Variants in DZIP3 observed in about 807,000 individuals in gnomAD.
DZIP3 encodes DAZ interacting zinc finger protein 3.
A neutral mutation model predicts 162.0 loss-of-function variants in DZIP3; 118 were observed. The ratio of observed to expected loss-of-function variants is 0.73; its 90% CI spans 0.63 to 0.85. The LOEUF (loss-of-function observed/expected upper bound fraction) is 0.85. DZIP3 is among the 40% of genes least tolerant of loss of function. The pLI is 0.00. For missense variants in DZIP3, 1,331 were observed against 1,407.0 expected (o/e 0.95, Z 0.86); for synonymous variants, 438 against 458.6 (o/e 0.96, Z 0.57).
At chr3:108,633,602 T>C (rs1941985719) in intron 9 of DZIP3, among the ~76,000 whole-genome samples, 1 of 151,186 alleles carries the variant, frequency 6.6e-6, no homozygotes, top group African/African-American at 2.4e-5. Flanking sequence ...AGAATACTTC[T>C]GATAGATCTC....
intron 26 of DZIP3, among the ~76,000 whole-genome samples, chr3:108,679,977 A>G (rs1023684049): frequency 2.0e-5 from 3 of 152,126 alleles, no homozygotes; most frequent in Admixed American, 6.6e-5. Context: ...AGATCATGCA[A>G]TGGTTATTTA....
At chr3:108,604,217 T>A (rs1025816482) in intron 1 of DZIP3, among the ~76,000 whole-genome samples, 1 of 152,204 alleles carries the variant, frequency 6.6e-6, no homozygotes, top group Non-Finnish European at 1.5e-5. Context: ...AATTACTGGA[T>A]AAATAAGCAG....
At chr3:108,598,646 A>C (rs980716354) in intron 1 of DZIP3, among the ~76,000 whole-genome samples, 3 of 152,178 alleles carry the variant, frequency 2.0e-5, no homozygotes, top group African/African-American at 7.2e-5. Context: ...AGGCAAGTAC[A>C]TGAAAGAAGT....
chr3:108,592,653 C>T (rs188495424), intron 1 of DZIP3, among the ~76,000 whole-genome samples: 13 of 150,938 alleles, frequency 8.6e-5, no homozygotes, highest in African/African-American at 3.2e-4. Flanking sequence ...CCATGTTTGC[C>T]CCACTGCACT....
At chr3:108,656,215 C>T (rs529214729) in intron 19 of DZIP3, among the ~76,000 whole-genome samples, 1 of 152,204 alleles carries the variant, frequency 6.6e-6, no homozygotes, top group Non-Finnish European at 1.5e-5. Flanking sequence ...ATCCCTGAAC[C>T]CTGAGTAGCC....
chr3:108,676,326 A>C (rs1944109173), intron 25 of DZIP3, among the ~76,000 whole-genome samples: 1 of 152,092 alleles, frequency 6.6e-6, no homozygotes, highest in South Asian at 2.1e-4. Flanking sequence ...CAAAATTTGG[A>C]ATAAAAACTA....
chr3:108,608,449 C>T (rs1940507908), intron 3 of DZIP3, among the ~76,000 whole-genome samples: 1 of 152,096 alleles, frequency 6.6e-6, no homozygotes, highest in South Asian at 2.1e-4. Context: ...AGAAATCCCT[C>T]ATTTGTTTTT....
chr3:108,693,621 T>G lies in DZIP3; in HGVS notation c.*268T>G, dbSNP rs1048360993. ...CACTGGACCTTGTCTAAAATTTCTTTGTGTTCCCAGTGTCTTGCCCAGTAG... is the reference window on the plus strand; with the variant it reads ...CACTGGACCTTGTCTAAAATTTCTTGGTGTTCCCAGTGTCTTGCCCAGTAG... On this transcript the variant is annotated 3_prime_UTR_variant, in exon 33 of 33. Coordinates refer to ENST00000361582, the MANE Select transcript of DZIP3 (RefSeq NM_014648.4). 1.3e-5 allele frequency: 2 copies of G among 152,150 alleles called. No individual in the cohort carries two copies. The highest frequency in any genetic ancestry group is 2.9e-5 in the Non-Finnish European group (2 of 68,000). 9.4% of individuals were successfully genotyped at this position (152,150 alleles called of 1,614,324 possible).
intron 1 of DZIP3, among the ~76,000 whole-genome samples, chr3:108,595,425 C>G (rs1425431343): frequency 6.6e-6 from 1 of 152,164 alleles, no homozygotes; most frequent in South Asian, 2.1e-4. Flanking sequence ...GCTATGTTGC[C>G]TAGGCTGGAC....
chr3:108,638,970 G>T (rs1393984047), intron 12 of DZIP3, among the ~76,000 whole-genome samples: 1 of 152,070 alleles, frequency 6.6e-6, no homozygotes, highest in African/African-American at 2.4e-5. Flanking sequence ...CCAACTATAC[G>T]GAGCTTCTTT....
intron 12 of DZIP3, among the ~76,000 whole-genome samples, chr3:108,640,202 T>C (rs902879261): frequency 6.6e-6 from 1 of 152,168 alleles, no homozygotes; most frequent in African/African-American, 2.4e-5. Flanking sequence ...TGATCTTGAA[T>C]GAAATAGTCT....
rs1272815743 is a variant in DZIP3 at position 108,653,519 on chromosome 3, A to G, written c.2034-626A>G. On this transcript the variant is annotated intron_variant, in intron 18 of 32. Coordinates refer to ENST00000361582, the MANE Select transcript of DZIP3 (RefSeq NM_014648.4). ...ATTGTGTGTGTGTGTATATATATAT[A>G]TATATATATATATATATATATATGT... Among the ~76,000 whole-genome samples the G allele has an allele frequency of 4.3e-3, 584 of 135,652 alleles. 8 individuals are homozygous for G. Among genetic ancestry groups the G allele is most frequent in the African/African-American group, 0.017 (543 of 31,646 alleles). 89.0% of individuals were successfully genotyped at this position (135,652 alleles called of 152,430 possible).
intron 5 of DZIP3, among the ~76,000 whole-genome samples, chr3:108,621,598 C>T (rs1424660675): frequency 6.6e-6 from 1 of 152,166 alleles, no homozygotes; most frequent in African/African-American, 2.4e-5. Context: ...GTACAAAATA[C>T]AGGCAATAAC....
At position 108,637,501 on chromosome 3, in the gene DZIP3, AGTT is replaced by A. The variant is rs771673521; in HGVS notation, c.1020_1022del (p.Val341del). ...TTTTTCCCCATTACTTGCAGTTTGA[AGTT>A]GTGAGAAAGGATGAATATATCACCA... On this transcript the variant is annotated inframe_deletion, in exon 12 of 33. Coordinates refer to ENST00000361582, the MANE Select transcript of DZIP3 (RefSeq NM_014648.4). 6 of 1,610,678 alleles carry A rather than the reference AGTT, an allele frequency of 3.7e-6. No individual in the cohort carries two copies. In the East Asian group the frequency reaches 1.3e-4, roughly 36 times the overall value.
chr3:108,594,560 T>C (rs1226317508), intron 1 of DZIP3, among the ~76,000 whole-genome samples: 1 of 151,754 alleles, frequency 6.6e-6, no homozygotes, highest in Non-Finnish European at 1.5e-5. Flanking sequence ...GCCTAGTACC[T>C]GTTAGTTATT....
intron 19 of DZIP3, among the ~76,000 whole-genome samples, chr3:108,659,911 C>T (rs1943339997): frequency 6.6e-6 from 1 of 151,948 alleles, no homozygotes; most frequent in Non-Finnish European, 1.5e-5. Flanking sequence ...GAATAAAATA[C>T]CTAGGAATCC....
chr3:108,625,952 G>A lies in DZIP3; in HGVS notation c.564G>A (p.Leu188=). 2 of 1,613,030 alleles carry A rather than the reference G, an allele frequency of 1.2e-6. No individual in the cohort carries two copies. Among genetic ancestry groups the A allele is most frequent in the South Asian group, 1.1e-5 (1 of 90,710 alleles). Reference sequence around the variant, plus strand: ...TAGTTTATTTTGGACGTGGTTTACTGCGATGTGCTCAAAAGAGGTAAGGAT... The same window carrying A: ...TAGTTTATTTTGGACGTGGTTTACTACGATGTGCTCAAAAGAGGTAAGGAT... ...MSLVYFGRGL[L]RCAQKRYNGG... The change falls in exon 7 of 33, where the codon CTG becomes CTA. Residue 188 remains leucine (L), a synonymous_variant. Transcript: ENST00000361582.
At position 108,629,140 on chromosome 3, in the gene DZIP3, T is replaced by C. The variant is rs760006018; in HGVS notation, c.660T>C (p.Asp220=). The C allele has an allele frequency of 6.3e-7, 1 of 1,598,024 alleles. No individual in the cohort carries two copies. The highest frequency in any genetic ancestry group is 8.5e-7 in the Non-Finnish European group (1 of 1,175,090). The change falls in exon 8 of 33, where the codon GAT becomes GAC. Residue 220 remains aspartate, a synonymous_variant. Coordinates refer to ENST00000361582, the MANE Select transcript of DZIP3 (RefSeq NM_014648.4). ...GDKNDHWFDI[D]PTEDEDLPTT... Reference sequence around the variant, plus strand: ...AAAATGACCATTGGTTTGACATAGATCCTACAGAAGATGAAGATTTACCTA... The same window carrying C: ...AAAATGACCATTGGTTTGACATAGACCCTACAGAAGATGAAGATTTACCTA...
chr3:108,662,382 T>TCAA, intron 21 of DZIP3, 125 bp downstream of exon 21: 1 of 1,195,170 alleles, frequency 8.4e-7, no homozygotes, highest in South Asian at 2.2e-5. Context: ...ACCACACGAC[T>TCAA]GCACTTGTTT....
Sources: gnomAD v4.1 joint callset for allele counts (sites outside exome capture counted in the v4.1 genomes callset) on GRCh38, gnomAD v4.1.1 for gene constraint, MANE v1.5 for transcripts, NCBI Gene and HGNC (gene_info 2026-07-23, HGNC 2026-07-21) for gene names.